The following TBC1D5 variants were observed in gnomAD, a reference collection of about 807,000 sequenced individuals.
TBC1D5 encodes the protein TBC1 domain family member 5.
In TBC1D5, 75 loss-of-function variants were observed where a neutral mutation model predicts 100.3. That is an observed-to-expected ratio of 0.75 (90% confidence interval 0.62 to 0.91). The LOEUF (loss-of-function observed/expected upper bound fraction) is 0.91. Among genes scored for constraint, TBC1D5 ranks in the 40% least tolerant of loss-of-function variants. The probability of loss-of-function intolerance (pLI) is 0.00; values close to 1 mark genes in which losing one functional copy is unlikely to be tolerated. For synonymous variants in TBC1D5, 323 were observed against 325.6 expected, an observed-to-expected ratio of 0.99 and a Z score of 0.09; for missense variants, 910 against 942.4, an observed-to-expected ratio of 0.97 and a Z score of 0.45.
chr3:17,619,618 T>C (rs1343364940), intron 2 of TBC1D5, among the ~76,000 whole-genome samples: 1 of 152,204 alleles, frequency 6.6e-6, no homozygotes, highest in Non-Finnish European at 1.5e-5. Context: ...GATCTAATCA[T>C]AAGAAAACTA....
At chr3:17,668,385 T>A (rs543340520) in intron 1 of TBC1D5, among the ~76,000 whole-genome samples, 1 of 152,156 alleles carries the variant, frequency 6.6e-6, no homozygotes, top group South Asian at 2.1e-4. Context: ...TTTTATACTC[T>A]GTGCTATAGC....
chr3:17,449,977 G>A (rs1477942703), intron 3 of TBC1D5, among the ~76,000 whole-genome samples: 2 of 152,114 alleles, frequency 1.3e-5, no homozygotes, highest in African/African-American at 4.8e-5. Flanking sequence ...CCTCATATAG[G>A]AGAGCTCCGG....
chr3:17,230,520 G>C (rs1007611362), intron 17 of TBC1D5, among the ~76,000 whole-genome samples: 1 of 151,902 alleles, frequency 6.6e-6, no homozygotes, highest in African/African-American at 2.4e-5. Flanking sequence ...TAATTAATTG[G>C]AATCATCTAA....
intron 4 of TBC1D5, among the ~76,000 whole-genome samples, chr3:17,427,435 G>A (rs752562198): frequency 3.3e-5 from 5 of 151,722 alleles, no homozygotes; most frequent in African/African-American, 4.8e-5. Context: ...TTAAAAGCCC[G>A]CCTGAAATCT....
intron 1 of TBC1D5, among the ~76,000 whole-genome samples, chr3:17,641,359 A>AC (rs2064482561): frequency 6.6e-6 from 1 of 152,096 alleles, no homozygotes; most frequent in South Asian, 2.1e-4. Flanking sequence ...CATAGTGGTT[A>AC]CCAGCATGAG....
In TBC1D5 at chr3:17,270,192, C is replaced by T. The variant is rs116654440; in HGVS notation, c.1246-11601G>A. ...AACTTTTTAATAATAGTCATCCTGA[C>T]TGGTGTGAGATGGTATCTCACTACA... is the stretch of plus-strand genomic sequence containing the variant. On this transcript the variant is annotated intron_variant, in intron 15 of 21. Coordinates refer to ENST00000253692, the Ensembl canonical transcript of TBC1D5. Among the ~76,000 whole-genome samples, 902 of 152,302 alleles carry T rather than the reference C, an allele frequency of 5.9e-3. 5 individuals are homozygous for T. Among genetic ancestry groups the T allele is most frequent in the African/African-American group, 0.021 (880 of 41,572 alleles).
intron 15 of TBC1D5, among the ~76,000 whole-genome samples, chr3:17,267,619 G>A (rs114647939): frequency 0.014 from 2,090 of 152,056 alleles, 49 homozygotes; most frequent in African/African-American, 0.047. Flanking sequence ...AGTAACCATC[G>A]AAATAGAGGC....
intron 1 of TBC1D5, among the ~76,000 whole-genome samples, chr3:17,726,978 G>T (rs946725100): frequency 6.6e-6 from 1 of 152,032 alleles, no homozygotes; most frequent in African/African-American, 2.4e-5. Context: ...CCTATTATAC[G>T]GCTACTAATA....
intron 3 of TBC1D5, among the ~76,000 whole-genome samples, chr3:17,488,214 A>G (rs1388441842): frequency 6.6e-6 from 1 of 152,116 alleles, no homozygotes; most frequent in African/African-American, 2.4e-5. Context: ...ACAATGTCAT[A>G]TAGTTGGAAT....
chr3:17,246,664 T>G (rs1053649365), intron 16 of TBC1D5, among the ~76,000 whole-genome samples: 1 of 152,232 alleles, frequency 6.6e-6, no homozygotes, highest in Non-Finnish European at 1.5e-5. Flanking sequence ...TTAACAAATA[T>G]TGCTACACAG....
intron 17 of TBC1D5, among the ~76,000 whole-genome samples, chr3:17,231,347 A>T (rs1405522505): frequency 6.6e-6 from 1 of 152,138 alleles, no homozygotes; most frequent in Non-Finnish European, 1.5e-5. Flanking sequence ...ACACTGCAAG[A>T]TATAAAATGA....
intron 1 of TBC1D5, among the ~76,000 whole-genome samples, chr3:17,652,991 C>T (rs753339701): frequency 9.2e-5 from 14 of 152,166 alleles, no homozygotes; most frequent in Admixed American, 2.0e-4. Flanking sequence ...GAGGTACTGA[C>T]AAATGCTAAG....
intron 13 of TBC1D5, among the ~76,000 whole-genome samples, chr3:17,309,218 G>A (rs1309987911): frequency 6.6e-6 from 1 of 151,830 alleles, no homozygotes; most frequent in Non-Finnish European, 1.5e-5. Flanking sequence ...TTTCCTTAGA[G>A]AGCAATATAT....
chr3:17,319,970 T>C (rs1466253052), intron 13 of TBC1D5, among the ~76,000 whole-genome samples: 1 of 152,230 alleles, frequency 6.6e-6, no homozygotes, highest in Non-Finnish European at 1.5e-5. Flanking sequence ...TATATACAAA[T>C]AAATAACTTG....
chr3:17,546,887 T>C (rs1329891274), intron 2 of TBC1D5: 1 of 152,198 alleles, frequency 6.6e-6, no homozygotes, highest in Admixed American at 6.5e-5. Flanking sequence ...CAAACATTAT[T>C]AATGTGCAAA....
intron 3 of TBC1D5, among the ~76,000 whole-genome samples, chr3:17,449,602 A>G (rs1184059260): frequency 6.6e-6 from 1 of 152,182 alleles, no homozygotes; most frequent in African/African-American, 2.4e-5. Flanking sequence ...CCCTCAGAGT[A>G]TAAAGAAAGC....
chr3:17,720,645 A>C (rs745654619), intron 1 of TBC1D5, among the ~76,000 whole-genome samples: 3 of 151,998 alleles, frequency 2.0e-5, no homozygotes, highest in Non-Finnish European at 1.5e-5. Context: ...CTGCCTCTAA[A>C]ACAAATTTTT....
intron 3 of TBC1D5, among the ~76,000 whole-genome samples, chr3:17,482,865 A>G (rs932262811): frequency 2.0e-5 from 3 of 152,046 alleles, no homozygotes; most frequent in African/African-American, 7.2e-5. Context: ...GAGATCTCCT[A>G]TATCTAAACA....
At chr3:17,512,287 A>G (rs1284069762) in intron 2 of TBC1D5, among the ~76,000 whole-genome samples, 3 of 152,094 alleles carry the variant, frequency 2.0e-5, no homozygotes, top group African/African-American at 4.8e-5. Flanking sequence ...CAAATATCAA[A>G]CTATAAAAAA....
Sources: allele counts gnomAD v4.1 joint callset (sites outside exome capture counted in the v4.1 genomes callset), GRCh38; gene constraint gnomAD v4.1.1; transcripts MANE v1.5; gene names NCBI Gene and HGNC (gene_info 2026-07-23, HGNC 2026-07-21).